Variants in GPR155 observed in about 807,000 individuals in gnomAD.
GPR155 encodes lysosomal cholesterol signaling protein.
GPR155 carries 65 observed loss-of-function variants against 93.1 expected under a neutral mutation model. That is an observed-to-expected ratio of 0.70 (90% CI 0.57 to 0.86). The LOEUF (loss-of-function observed/expected upper bound fraction) is 0.86, where lower values mean the gene tolerates loss of function less well. Among genes scored for constraint, GPR155 ranks in the 40% least tolerant of loss-of-function variants. The probability of loss-of-function intolerance (pLI) is 0.00; values close to 1 mark genes in which losing one functional copy is unlikely to be tolerated. For synonymous variants in GPR155, 319 were observed against 360.1 expected (o/e 0.89, Z 1.29); for missense variants, 838 against 1,034.8 (o/e 0.81, Z 2.61).
intron 11 of GPR155, among the ~76,000 whole-genome samples, chr2:174,450,655 CTA>C (rs1163333247): frequency 6.6e-6 from 1 of 152,078 alleles, no homozygotes; most frequent in Non-Finnish European, 1.5e-5. Flanking sequence ...TAGCTCCATT[CTA>C]TATATGGGAG....
At chr2:174,469,123 A>T in intron 4 of GPR155, 56 bp from the exon 5 acceptor site, 1 of 1,462,436 alleles carries the variant, frequency 6.8e-7, no homozygotes, top group Admixed American at 1.7e-5. Context: ...AGTATTTTAA[A>T]CTTTAAATAA....
rs1198180181 is a variant in GPR155, at chr2:174,481,648, T to C, written c.309A>G (p.Leu103=). The part of the protein sequence containing the change: ...LNFSNVDWSF[L]YSILIAKASV... ...AAGCTTTGGCAATTAAGATACTATA[T>C]AGGAAGGACCAGTCCACATTGGAAA... Residue 103 remains leucine, a synonymous_variant, in exon 2 of 16, where the codon CTA becomes CTG. Transcript: ENST00000392552. 4 of 1,613,846 alleles carry C rather than the reference T, an allele frequency of 2.5e-6. No individual in the cohort carries two copies. Among genetic ancestry groups the C allele is most frequent in the Admixed American group, 1.7e-5 (1 of 60,026 alleles).
chr2:174,485,235 T>A (rs924449001), intron 1 of GPR155, among the ~76,000 whole-genome samples: 2 of 152,130 alleles, frequency 1.3e-5, no homozygotes, highest in African/African-American at 4.8e-5. Context: ...AGGGTGATGG[T>A]CAAATAGTTG....
chr2:174,438,459 A>C (rs1179898860), intron 15 of GPR155, among the ~76,000 whole-genome samples: 1 of 152,198 alleles, frequency 6.6e-6, no homozygotes, highest in African/African-American at 2.4e-5. Context: ...TCAAAGAGCT[A>C]ACCCGGAGTT....
intron 10 of GPR155, among the ~76,000 whole-genome samples, chr2:174,456,665 A>T (rs11687337): frequency 0.6 from 91,900 of 152,052 alleles, 28,135 homozygotes; most frequent in East Asian, 0.89. Flanking sequence ...ATAAAGCTGT[A>T]CATTACAGCA....
At chr2:174,458,874 G>A (rs1281923171) in intron 10 of GPR155, among the ~76,000 whole-genome samples, 1 of 152,078 alleles carries the variant, frequency 6.6e-6, no homozygotes, top group Non-Finnish European at 1.5e-5. Flanking sequence ...GATCACCTGA[G>A]GTCAGGAGTT....
At chr2:174,476,736 C>T (rs1336864212) in intron 2 of GPR155, among the ~76,000 whole-genome samples, 1 of 152,184 alleles carries the variant, frequency 6.6e-6, no homozygotes, top group Non-Finnish European at 1.5e-5. Flanking sequence ...ACAGTTAAAC[C>T]AGACAACTAC....
chr2:174,461,637 G>A lies in GPR155; in HGVS notation c.1420C>T (p.Arg474Ter), dbSNP rs749257558. Residue 474 changes from arginine to a stop codon, truncating the protein, a stop_gained, in exon 8 of 16, where the codon CGA becomes TGA. Coordinates refer to ENST00000392552, the MANE Select transcript of GPR155 (RefSeq NM_152529.7). LOFTEE classifies it high-confidence loss of function. Reference protein sequence around the residue: ...LAISLFLLKKRERVQIPVGII... With the variant: ...LAISLFLLKK The stretch of plus-strand genomic sequence containing the variant: ...CCAACAGGAATTTGTACCCTCTCTC[G>A]CTTTTTCAAAAGAAACAAAGAAATT... 37 of 1,610,030 alleles carry A rather than the reference G, an allele frequency of 2.3e-5. No individual in the cohort carries two copies. The highest frequency in any genetic ancestry group is 2.7e-5 in the Non-Finnish European group (32 of 1,176,628).
At chr2:174,440,079 TGA>T (rs1470858175) in intron 14 of GPR155, 44 bp from the exon 15 acceptor site, 1 of 1,557,690 alleles carries the variant, frequency 6.4e-7, no homozygotes, top group East Asian at 2.3e-5. Flanking sequence ...AGAAAAGCAC[TGA>T]GAGAGAACTC....
chr2:174,456,610 AG>A (rs983725179), intron 10 of GPR155, among the ~76,000 whole-genome samples: 10 of 152,300 alleles, frequency 6.6e-5, no homozygotes, highest in African/African-American at 2.4e-4. Context: ...GCAACATCCT[AG>A]GTATAATCTT....
rs75049580 is a variant in GPR155 at position 174,440,042 on chromosome 2, A to G, written c.2175-7T>C. On this transcript the variant is annotated splice_region_variant and splice_polypyrimidine_tract_variant and intron_variant, in intron 14 of 15. Coordinates refer to ENST00000392552, the MANE Select transcript of GPR155 (RefSeq NM_152529.7). ...GTTCCATAGGAATTCAAGTCTGAAA[A>G]TCAAATTTATGGCCATTTTTAAGGA... 1,645 of 1,604,236 alleles carry G rather than the reference A, an allele frequency of 1.0e-3. 14 individuals carry two copies. The African/African-American group carries it at 0.021, about 20-fold the overall frequency.
At chr2:174,482,131 C>A in intron 1 of GPR155, 144 bp from the exon 2 acceptor site, 2 of 573,104 alleles carry the variant, frequency 3.5e-6, no homozygotes, top group Non-Finnish European at 6.2e-6. Flanking sequence ...ATTCAATGGC[C>A]AAATAAATAT....
At chr2:174,465,713 A>G in intron 7 of GPR155, 72 bp downstream of exon 7, 6 of 756,404 alleles carry the variant, frequency 7.9e-6, no homozygotes, top group South Asian at 1.6e-5. Context: ...ATAGATCACT[A>G]GAAGCTCAGG....
intron 7 of GPR155, among the ~76,000 whole-genome samples, chr2:174,464,781 G>A (rs1260246231): frequency 6.6e-6 from 1 of 152,090 alleles, no homozygotes; most frequent in Admixed American, 6.6e-5. Flanking sequence ...TATGCAAGAT[G>A]TAGTTGCCTT....
chr2:174,452,621 AT>A (rs955903780), intron 11 of GPR155, among the ~76,000 whole-genome samples: 4 of 151,906 alleles, frequency 2.6e-5, no homozygotes, highest in African/African-American at 9.7e-5. Flanking sequence ...CACAAATGTA[AT>A]TCAGCCTCTT....
intron 1 of GPR155, among the ~76,000 whole-genome samples, chr2:174,485,685 G>A (rs775041498): frequency 1.6e-4 from 24 of 151,928 alleles, no homozygotes; most frequent in Non-Finnish European, 2.5e-4. Flanking sequence ...ACCTGCTGAG[G>A]TAAAGTCAAA....
At chr2:174,473,814 G>T (rs1311584580) in intron 2 of GPR155, among the ~76,000 whole-genome samples, 1 of 152,204 alleles carries the variant, frequency 6.6e-6, no homozygotes, top group African/African-American at 2.4e-5. Context: ...GAGAGAGTAG[G>T]AGTTATTTCA....
chr2:174,466,570 G>A lies in GPR155; in HGVS notation c.1240C>T (p.Leu414Phe), dbSNP rs759745513. 58 of 1,578,934 alleles carry A rather than the reference G, an allele frequency of 3.7e-5. 2 individuals are homozygous for A. The Admixed American group carries it at 4.3e-4, about 12-fold the overall frequency. Residue 414 changes from leucine (L) to phenylalanine (F), a missense_variant, in exon 6 of 16, where the codon CTT (leucine) becomes TTT (phenylalanine). Physicochemically the swap from Leu to Phe is conservative, Grantham distance 22 (BLOSUM62 0). Transcript: ENST00000392552. Reference protein sequence around the residue: ...SKKYKQLPHMLTTNLLIAQSI... With the variant: ...SKKYKQLPHMFTTNLLIAQSI... ...TGAGCAATGAGTAAATTAGTTGTAA[G>A]CATATGAGGAAGCTGTTTATATTTC...
At chr2:174,443,477 C>A (rs1227590668) in intron 13 of GPR155, among the ~76,000 whole-genome samples, 1 of 152,244 alleles carries the variant, frequency 6.6e-6, no homozygotes, top group South Asian at 2.1e-4. Context: ...CCCGTTAATA[C>A]CAGCACTTTG....
Sources: allele counts gnomAD v4.1 joint callset (sites outside exome capture counted in the v4.1 genomes callset), GRCh38; gene constraint gnomAD v4.1.1; transcripts MANE v1.5; gene names NCBI Gene and HGNC (gene_info 2026-07-23, HGNC 2026-07-21).